Variants in KLRG1 observed in about 807,000 individuals in gnomAD.
The protein encoded by KLRG1 is killer cell lectin-like receptor subfamily G member 1.
KLRG1 carries 16 observed loss-of-function variants against 21.8 expected under a neutral mutation model. The observed-to-expected ratio is 0.73, with a 90% CI of 0.50 to 1.11. The LOEUF (loss-of-function observed/expected upper bound fraction) is 1.11, where lower values mean the gene tolerates loss of function less well. Among genes scored for constraint, KLRG1 ranks in the 50% most tolerant of loss-of-function variants. The pLI is 0.00. For synonymous variants in KLRG1, 69 were observed against 75.9 expected (o/e 0.91, Z 0.47); for missense variants, 173 against 218.3 (o/e 0.79, Z 1.31).
At position 8,991,878 on chromosome 12, in the gene KLRG1, C is replaced by T. The variant is rs113879722; in HGVS notation, c.83-328C>T. Among the ~76,000 whole-genome samples, 887 of 152,208 alleles carry T rather than the reference C, an allele frequency of 5.8e-3. 12 individuals carry two copies. Among genetic ancestry groups the T allele is most frequent in the African/African-American group, 0.02 (811 of 41,526 alleles). ...TAGGTCAAAGGGTACATGCCTTTGC[C>T]GTTTTGGTAGATATTGCCCAATTGT... is the stretch of plus-strand genomic sequence containing the variant. On this transcript the variant is annotated intron_variant, in intron 1 of 4. Transcript: ENST00000356986.
the KLRG1 span, among the ~76,000 whole-genome samples, chr12:9,073,436 T>C: frequency 1.3e-5 from 2 of 152,238 alleles, no homozygotes; most frequent in South Asian, 4.1e-4. Context: ...TATTGGATGA[T>C]TTCCTGTTCC....
chr12:9,036,079 C>G, the KLRG1 span, among the ~76,000 whole-genome samples: 5 of 152,084 alleles, frequency 3.3e-5, no homozygotes, highest in African/African-American at 1.2e-4. Flanking sequence ...ATTTGTACAC[C>G]CAACCCAGTG....
At chr12:8,957,434 T>G (rs1238888741) in intron 1 of KLRG1, among the ~76,000 whole-genome samples, 1 of 152,270 alleles carries the variant, frequency 6.6e-6, no homozygotes, top group African/African-American at 2.4e-5. Context: ...TTCTTTTCCC[T>G]TCTTCACAAT....
Position 9,010,305 on chromosome 12 carries a change from T to G in KLRG1, c.*768T>G. On this transcript the variant is annotated 3_prime_UTR_variant, in exon 5 of 5. Coordinates refer to ENST00000356986, the MANE Select transcript of KLRG1 (RefSeq NM_005810.4). ...ATGCAAAAACCCGGTCTTAACTGATTTTGTTTTTTTTCTGAGTATGCATAT... is the reference window on the plus strand; with the variant it reads ...ATGCAAAAACCCGGTCTTAACTGATGTTGTTTTTTTTCTGAGTATGCATAT... 1 of 335,204 alleles carries G rather than the reference T, an allele frequency of 3.0e-6. No individual in the cohort carries two copies. Among genetic ancestry groups the G allele is most frequent in the Non-Finnish European group, 5.4e-6 (1 of 184,406 alleles). 20.8% of individuals were successfully genotyped at this position (335,204 alleles called of 1,614,324 possible). A position where few individuals can be genotyped will look rare whatever the true frequency, so the allele number is the denominator to read the frequency against.
the KLRG1 span, among the ~76,000 whole-genome samples, chr12:9,184,848 A>T: frequency 3.7e-4 from 57 of 152,336 alleles, no homozygotes; most frequent in African/African-American, 1.2e-3. Flanking sequence ...ATCTTCTGGT[A>T]ACAAAGTCAG....
At chr12:9,090,630 T>A in the KLRG1 span, 1 of 772,972 alleles carries the variant, frequency 1.3e-6, no homozygotes, top group South Asian at 1.9e-5. Flanking sequence ...CTGAAATATA[T>A]TTAAGTGGAT....
the KLRG1 span, chr12:9,151,723 T>A: frequency 6.9e-7 from 1 of 1,439,572 alleles, no homozygotes. Context: ...GATGTGAGAA[T>A]GGTGTGAGAT....
chr12:9,194,620 C>T, the KLRG1 span, among the ~76,000 whole-genome samples: 3 of 151,950 alleles, frequency 2.0e-5, no homozygotes, highest in African/African-American at 7.3e-5. Context: ...GCCCGCCACC[C>T]CGCCCAGCTA....
At chr12:9,107,741 G>C in the KLRG1 span, 11 of 1,406,912 alleles carry the variant, frequency 7.8e-6, no homozygotes, top group Non-Finnish European at 7.8e-6. Flanking sequence ...TATATTCCCT[G>C]TCTGTACTTC....
At chr12:8,953,312 A>T (rs745935781) in intron 1 of KLRG1, among the ~76,000 whole-genome samples, 5 of 152,300 alleles carry the variant, frequency 3.3e-5, no homozygotes, top group Admixed American at 1.3e-4. Context: ...CTGGGCATTT[A>T]TGGATTCAGA....
chr12:9,164,107 A>G, the KLRG1 span: 4,038 of 1,597,422 alleles, frequency 2.5e-3, 11 homozygotes, highest in Non-Finnish European at 2.9e-3. Flanking sequence ...GTTGATTGAT[A>G]GGCCCTTTTG....
chr12:9,051,270 T>A, the KLRG1 span, among the ~76,000 whole-genome samples: 1 of 152,032 alleles, frequency 6.6e-6, no homozygotes, highest in Non-Finnish European at 1.5e-5. Context: ...GAGACGGGAT[T>A]ACCAGCTGCA....
chr12:9,061,619 G>T, the KLRG1 span, among the ~76,000 whole-genome samples: 4 of 152,082 alleles, frequency 2.6e-5, no homozygotes, highest in Admixed American at 6.6e-5. Context: ...TTTGAGACCA[G>T]CCTGGGCAGC....
At chr12:9,094,994 C>A in the KLRG1 span, 1 of 1,578,696 alleles carries the variant, frequency 6.3e-7, no homozygotes, top group South Asian at 1.2e-5. Context: ...ACACGTAGAC[C>A]TTCAGGTCCA....
chr12:9,089,617 T>G, the KLRG1 span, among the ~76,000 whole-genome samples: 1 of 152,230 alleles, frequency 6.6e-6, no homozygotes, highest in South Asian at 2.1e-4. Flanking sequence ...GGTGCACACC[T>G]GTAATCCCAG....
the KLRG1 span, among the ~76,000 whole-genome samples, chr12:9,184,951 G>A: frequency 1.3e-5 from 2 of 152,212 alleles, no homozygotes; most frequent in Non-Finnish European, 2.9e-5. Flanking sequence ...TTCTAAGAGT[G>A]AAGGAACATC....
the KLRG1 span, among the ~76,000 whole-genome samples, chr12:9,117,435 A>AGATT: frequency 5.3e-5 from 8 of 152,228 alleles, no homozygotes; most frequent in Non-Finnish European, 1.0e-4. Flanking sequence ...AAGAGCTTGC[A>AGATT]GATTTATATC....
the KLRG1 span, chr12:9,169,318 G>T: frequency 9.1e-7 from 1 of 1,095,132 alleles, no homozygotes; most frequent in Non-Finnish European, 1.3e-6. Context: ...TTTGTCTGCT[G>T]AAAAATGGAG....
intron 3 of KLRG1, among the ~76,000 whole-genome samples, chr12:9,008,027 T>C (rs183046609): frequency 1.3e-5 from 2 of 152,330 alleles, no homozygotes; most frequent in African/African-American, 4.8e-5. Flanking sequence ...TCAAAGTCTT[T>C]TATCTCTGTT....
Sources: gnomAD v4.1 joint callset for allele counts (sites outside exome capture counted in the v4.1 genomes callset) on GRCh38, gnomAD v4.1.1 for gene constraint, MANE v1.5 for transcripts, NCBI Gene and HGNC (gene_info 2026-07-23, HGNC 2026-07-21) for gene names.